Variants in MROH1 observed in about 807,000 individuals in gnomAD.
MROH1 encodes the protein maestro heat-like repeat-containing protein family member 1.
MROH1 carries 117 observed loss-of-function variants against 116.5 expected under a neutral mutation model. That is an observed-to-expected ratio of 1.00 (90% CI 0.86 to 1.17). The LOEUF (loss-of-function observed/expected upper bound fraction) is 1.17, where lower values mean the gene tolerates loss of function less well. Among genes scored for constraint, MROH1 ranks in the 50% most tolerant of loss-of-function variants. The pLI is 0.00. For synonymous variants in MROH1, 921 were observed against 583.9 expected (o/e 1.58, Z -8.32); for missense variants, 1,873 against 1,338.5 (o/e 1.40, Z -6.23).
chr8:144,261,398 A>G (rs984988011), intron 43 of MROH1, 49 bp downstream of exon 43: 92 of 700,454 alleles, frequency 1.3e-4, no homozygotes, highest in African/African-American at 1.3e-3. Context: ...CTGACCCTGT[A>G]GGCACCCGCA....
At position 144,241,207 on chromosome 8, in the gene MROH1, TGTGTGTGC is replaced by T. The variant is rs1341859050; in HGVS notation, c.2055+105_2055+112del. 1.2e-3 allele frequency: 851 copies of T among 701,428 alleles called. 3 individuals are homozygous for T. In the African/African-American group the frequency reaches 0.014, roughly 11 times the overall value. The allele number at this position is 701,428 out of a possible 1,614,324, so 43.5% of individuals were successfully genotyped here. A position where few individuals can be genotyped will look rare whatever the true frequency, so the allele number is the denominator to read the frequency against. ...GAGGCAGCTGGCTAGCCTGTGTGCC[TGTGTGTGC>T]GTGTGTGCATACACAGGTGGTGTGC... is the stretch of plus-strand genomic sequence containing the variant. On this transcript the variant is annotated intron_variant, in intron 21 of 43. Coordinates refer to ENST00000326134, the MANE Select transcript of MROH1 (RefSeq NM_032450.3).
chr8:144,259,852 T>TG, intron 37 of MROH1, 59 bp from the exon 38 acceptor site: 1 of 715,080 alleles, frequency 1.4e-6, no homozygotes, highest in Non-Finnish European at 2.6e-6. Flanking sequence ...GGGCCTGGGC[T>TG]GGTGGGTTGA....
At chr8:144,164,255 AT>A (rs1439035729) in intron 3 of MROH1, among the ~76,000 whole-genome samples, 1 of 151,808 alleles carries the variant, frequency 6.6e-6, no homozygotes, top group Non-Finnish European at 1.5e-5. Context: ...AAATACAAAA[AT>A]TAGCCAGGTG....
intron 14 of MROH1, among the ~76,000 whole-genome samples, chr8:144,229,146 G>T (rs1230590945): frequency 6.6e-6 from 1 of 152,064 alleles, no homozygotes; most frequent in Admixed American, 6.6e-5. Context: ...CACTACATTT[G>T]CAGTGACTTC....
In MROH1 at chr8:144,239,192, C is replaced by T; in HGVS notation, c.1591+13C>T. The T allele has an allele frequency of 4.0e-6, 3 of 755,606 alleles. No homozygotes were observed. Among genetic ancestry groups the T allele is most frequent in the Non-Finnish European group, 7.3e-6 (3 of 412,046 alleles). The allele number at this position is 755,606 out of a possible 1,614,324, so 46.8% of individuals were successfully genotyped here. On this transcript the variant is annotated intron_variant, in intron 16 of 43. Coordinates refer to ENST00000326134, the MANE Select transcript of MROH1 (RefSeq NM_032450.3). ...TACGACGCCCATGGTGCGTGCCGCG[C>T]CGTACCCCACCTCCCCACTCCTGCC...
chr8:144,260,629 T>G, intron 39 of MROH1, 48 bp from the exon 40 acceptor site: 1 of 772,448 alleles, frequency 1.3e-6, no homozygotes, highest in South Asian at 1.3e-5. Context: ...CAGGCAGGCC[T>G]GCAGGGGCAC....
chr8:144,219,602 T>G (rs890565067), intron 12 of MROH1, among the ~76,000 whole-genome samples: 1 of 152,100 alleles, frequency 6.6e-6, no homozygotes, highest in African/African-American at 2.4e-5. Context: ...CACACGTCTG[T>G]TTCATCCTCC....
rs1165164431 is a variant in MROH1, at chr8:144,234,498, G to GTTTTTTTTTTTTT, written c.1339-4234_1339-4222dup. 1.1e-3 allele frequency among the ~76,000 whole-genome samples: 20 copies of GTTTTTTTTTTTTT among 18,098 alleles called. 8 individuals are homozygous for GTTTTTTTTTTTTT. The highest frequency in any genetic ancestry group is 3.3e-3 in the Admixed American group (4 of 1,214). 11.9% of individuals were successfully genotyped at this position (18,098 alleles called of 152,430 possible). A position where few individuals can be genotyped will look rare whatever the true frequency, so the allele number is the denominator to read the frequency against. On this transcript the variant is annotated intron_variant, in intron 14 of 43. Coordinates refer to ENST00000326134, the MANE Select transcript of MROH1 (RefSeq NM_032450.3). ...AATGGAATTATTTTCTTTCTTTTTC[G>GTTTTTTTTTTTTT]TTTTTTTTTTTTTTTTTTTTTTTTT... is the stretch of plus-strand genomic sequence containing the variant.
intron 12 of MROH1, among the ~76,000 whole-genome samples, chr8:144,209,723 A>G (rs1325417029): frequency 6.6e-6 from 1 of 151,866 alleles, no homozygotes; most frequent in Non-Finnish European, 1.5e-5. Context: ...AGGCTGAAAA[A>G]CATGGTGAAA....
intron 10 of MROH1, chr8:144,192,746 T>C (rs1228247625): frequency 2.2e-6 from 1 of 447,936 alleles, no homozygotes; most frequent in Non-Finnish European, 4.2e-6. Context: ...GGGACTGAGC[T>C]CAGAGGAGCA....
intron 14 of MROH1, among the ~76,000 whole-genome samples, chr8:144,237,496 G>C (rs1840255752): frequency 6.6e-6 from 1 of 152,190 alleles, no homozygotes; most frequent in African/African-American, 2.4e-5. Flanking sequence ...TTTATTTCTT[G>C]AGTATTTCTT....
chr8:144,197,063 C>G (rs1320531197), intron 10 of MROH1, among the ~76,000 whole-genome samples: 1 of 152,118 alleles, frequency 6.6e-6, no homozygotes, highest in Non-Finnish European at 1.5e-5. Context: ...CCATTGCACT[C>G]CAGCCTGGGA....
chr8:144,254,600 G>GTC, intron 33 of MROH1: 1 of 573,502 alleles, frequency 1.7e-6, no homozygotes, highest in South Asian at 2.1e-5. Context: ...TTTTCTCTGT[G>GTC]TCCTTTATTA....
At chr8:144,248,308 A>T (rs893266600) in intron 31 of MROH1, among the ~76,000 whole-genome samples, 1 of 150,326 alleles carries the variant, frequency 6.7e-6, no homozygotes, top group African/African-American at 2.5e-5. Flanking sequence ...TACGGGGGGG[A>T]AAAAAAGAGT....
At chr8:144,187,349 G>A (rs1355420592) in intron 7 of MROH1, among the ~76,000 whole-genome samples, 2 of 152,044 alleles carry the variant, frequency 1.3e-5, no homozygotes, top group East Asian at 1.9e-4. Flanking sequence ...GGTCGAGGCT[G>A]CAGTGAGCTA....
At chr8:144,168,584 G>C in intron 4 of MROH1, 144 bp downstream of exon 4, 1 of 945,122 alleles carries the variant, frequency 1.1e-6, no homozygotes, top group Non-Finnish European at 1.5e-6. Context: ...CTCCACACGT[G>C]CCTATGTCAG....
At position 144,259,904 on chromosome 8, in the gene MROH1, CCTGCAGCTGCTGA is replaced by C; in HGVS notation, c.4045-6_4051del. The C allele has an allele frequency of 1.4e-6, 1 of 732,776 alleles. No homozygotes were observed. Among genetic ancestry groups the C allele is most frequent in the African/African-American group, 1.7e-5 (1 of 58,014 alleles). 45.4% of individuals were successfully genotyped at this position (732,776 alleles called of 1,614,324 possible). On this transcript the variant is annotated splice_acceptor_variant and splice_polypyrimidine_tract_variant and coding_sequence_variant and intron_variant, in exon 38 of 44. Transcript: ENST00000326134. LOFTEE classifies it high-confidence loss of function. ...GGAGAGGGAAGTCACAGCACCTCTG[CCTGCAGCTGCTGA>C]ACAGCAACGTGGCCAACGACCTCAT...
intron 14 of MROH1, among the ~76,000 whole-genome samples, chr8:144,234,503 T>TG (rs1564533939): frequency 6.0e-4 from 31 of 51,414 alleles, no homozygotes; most frequent in Non-Finnish European, 9.6e-4. Flanking sequence ...TTTTCGTTTT[T>TG]TTTTTTTTTT....
rs1012509804 is a variant in MROH1, at chr8:144,230,805, T to C, written c.1338+7575T>C. Among the ~76,000 whole-genome samples, 3 of 140,130 alleles carry C rather than the reference T, an allele frequency of 2.1e-5. No individual in the cohort carries two copies. In the South Asian group the frequency reaches 6.5e-4, roughly 31 times the overall value. The allele number at this position is 140,130 out of a possible 152,430, so 91.9% of individuals were successfully genotyped here. ...TTTTTCTTCACTAAAAGGTTTTCTT[T>C]TTTTTTTTTTTTTTTTTTTTTAATT... On this transcript the variant is annotated intron_variant, in intron 14 of 43. Coordinates refer to ENST00000326134, the MANE Select transcript of MROH1 (RefSeq NM_032450.3).
Sources: allele counts gnomAD v4.1 joint callset (sites outside exome capture counted in the v4.1 genomes callset), GRCh38; gene constraint gnomAD v4.1.1; transcripts MANE v1.5; gene names NCBI Gene and HGNC (gene_info 2026-07-23, HGNC 2026-07-21).